PPIP5K2: variants seen among roughly 807,000 people sequenced by gnomAD.
PPIP5K2 encodes the protein inositol hexakisphosphate and diphosphoinositol-pentakisphosphate kinase 2.
Under a neutral mutation model 154.6 loss-of-function variants are expected in PPIP5K2, and 105 were observed. That is an observed-to-expected ratio of 0.68 (90% CI 0.58 to 0.80). PPIP5K2 has a LOEUF of 0.80. Ranked by LOEUF, PPIP5K2 falls within the 30% of genes least tolerant of loss-of-function variation. PPIP5K2 has a pLI of 0.00. For synonymous variants in PPIP5K2, 480 were observed against 490.3 expected (o/e 0.98, Z 0.28); for missense variants, 992 against 1,504.6 (o/e 0.66, Z 5.64).
rs1423192289 is a variant in PPIP5K2 at position 103,209,803 on chromosome 5, A to G, written c.*8169A>G. On this transcript the variant is annotated 3_prime_UTR_variant, in exon 31 of 31. Coordinates refer to ENST00000358359, the MANE Select transcript of PPIP5K2 (RefSeq NM_001276277.3). Reference sequence around the variant, plus strand: ...ATTAGGAGAAAAGAGAAAGCAGAGGAGGGGTGAGACAGAGAACAAAAGAAC... The same window carrying G: ...ATTAGGAGAAAAGAGAAAGCAGAGGGGGGGTGAGACAGAGAACAAAAGAAC... The G allele has an allele frequency of 2.6e-5, 4 of 152,126 alleles. No homozygotes were observed. Among genetic ancestry groups the G allele is most frequent in the Admixed American group, 2.6e-4 (4 of 15,238 alleles). 9.4% of individuals were successfully genotyped at this position (152,126 alleles called of 1,614,324 possible). A position where few individuals can be genotyped will look rare whatever the true frequency, so the allele number is the denominator to read the frequency against.
At chr5:103,127,771 A>C (rs1789939601) in intron 1 of PPIP5K2, among the ~76,000 whole-genome samples, 1 of 151,306 alleles carries the variant, frequency 6.6e-6, no homozygotes, top group Admixed American at 6.6e-5. Flanking sequence ...GATGTACCTG[A>C]CTCCAGAACA....
chr5:103,127,797 C>T (rs562852337), intron 1 of PPIP5K2, among the ~76,000 whole-genome samples: 90 of 152,122 alleles, frequency 5.9e-4, no homozygotes, highest in Non-Finnish European at 1.2e-3. Context: ...CTTCCATTAT[C>T]GAAATATTTG....
chr5:103,172,918 C>G (rs2149701129), intron 19 of PPIP5K2, among the ~76,000 whole-genome samples: 1 of 151,956 alleles, frequency 6.6e-6, no homozygotes, highest in African/African-American at 2.4e-5. Flanking sequence ...CCCATTCATT[C>G]TCCGCCTTCA....
intron 5 of PPIP5K2, among the ~76,000 whole-genome samples, chr5:103,139,304 G>A (rs1416531562): frequency 6.6e-6 from 1 of 152,000 alleles, no homozygotes; most frequent in Non-Finnish European, 1.5e-5. Context: ...AGAACAAGAT[G>A]GCCAAATATA....
At position 103,146,698 on chromosome 5, in the gene PPIP5K2, T is replaced by G; in HGVS notation, c.642+17T>G. The G allele has an allele frequency of 6.3e-7, 1 of 1,586,170 alleles. No individual in the cohort carries two copies. The highest frequency in any genetic ancestry group is 8.6e-7 in the Non-Finnish European group (1 of 1,164,338). On this transcript the variant is annotated intron_variant, in intron 6 of 30. Transcript: ENST00000358359. ...TTTAGAAAGGTAACACCTTTGTAAC[T>G]TTTGTATGAATACTCTTCTTTGTAC...
intron 5 of PPIP5K2, among the ~76,000 whole-genome samples, chr5:103,142,453 T>G (rs2149515808): frequency 6.6e-6 from 1 of 152,172 alleles, no homozygotes; most frequent in African/African-American, 2.4e-5. Context: ...GGGAGTGGGC[T>G]CCAGCCTTGG....
In PPIP5K2 at chr5:103,173,175, T is replaced by C; in HGVS notation, c.2307T>C (p.Ala769=). ...CTCAGGAATATGGTATAACTAAAGC[T>C]GAAAAACTGGAGATTGCCAAAGGCT... ...VIPQEYGITK[A]EKLEIAKGYC... The change falls in exon 20 of 31, where the codon GCT becomes GCC. Residue 769 remains alanine (A), a synonymous_variant. Coordinates refer to ENST00000358359, the MANE Select transcript of PPIP5K2 (RefSeq NM_001276277.3). The C allele has an allele frequency of 6.2e-7, 1 of 1,607,426 alleles. No homozygotes were observed. Among genetic ancestry groups the C allele is most frequent in the Non-Finnish European group, 8.5e-7 (1 of 1,177,042 alleles).
At chr5:103,147,261 A>AT (rs1554209488) in intron 6 of PPIP5K2, among the ~76,000 whole-genome samples, 2 of 151,958 alleles carry the variant, frequency 1.3e-5, no homozygotes, top group African/African-American at 2.4e-5. Context: ...ATTGATGGCA[A>AT]TTCAAATTAA....
chr5:103,185,932 T>G (rs989024606), intron 26 of PPIP5K2, among the ~76,000 whole-genome samples: 1 of 144,076 alleles, frequency 6.9e-6, no homozygotes, highest in Non-Finnish European at 1.5e-5. Flanking sequence ...GAAGGAGTGT[T>G]TTTTTTTTTT....
intron 4 of PPIP5K2, among the ~76,000 whole-genome samples, chr5:103,137,928 T>C (rs1288017898): frequency 6.6e-6 from 1 of 152,186 alleles, no homozygotes; most frequent in Non-Finnish European, 1.5e-5. Context: ...GTATCTATCA[T>C]ATTTTTTTCC....
intron 21 of PPIP5K2, among the ~76,000 whole-genome samples, chr5:103,174,436 AAGTT>A (rs1322659174): frequency 6.6e-6 from 1 of 152,038 alleles, no homozygotes; most frequent in Non-Finnish European, 1.5e-5. Flanking sequence ...ATCAATTATG[AAGTT>A]TCTCTTAGAG....
chr5:103,192,307 C>T (rs542326767), intron 29 of PPIP5K2, among the ~76,000 whole-genome samples: 133 of 152,152 alleles, frequency 8.7e-4, no homozygotes, highest in Non-Finnish European at 1.1e-3. Flanking sequence ...AAGTGGTAAA[C>T]GTCAGAGACA....
intron 30 of PPIP5K2, among the ~76,000 whole-genome samples, chr5:103,197,694 G>A (rs1359739462): frequency 1.3e-5 from 2 of 149,112 alleles, no homozygotes; most frequent in Non-Finnish European, 3.0e-5. Context: ...TCCTGTCTCG[G>A]CCTCCTAAGT....
intron 2 of PPIP5K2, among the ~76,000 whole-genome samples, chr5:103,130,269 T>C (rs1790402841): frequency 6.6e-6 from 1 of 152,182 alleles, no homozygotes; most frequent in Admixed American, 6.5e-5. Flanking sequence ...CCATACTGGA[T>C]CTTAGGAATG....
At position 103,212,597 on chromosome 5, in the gene PPIP5K2, G is replaced by A. The variant is rs566667437; in HGVS notation, c.*10963G>A. Reference sequence around the variant, plus strand: ...TTGGAGTATAAACTGCTGGAAATAAGGATGCTATTTAATAGACTCTCTTAG... The same window carrying A: ...TTGGAGTATAAACTGCTGGAAATAAAGATGCTATTTAATAGACTCTCTTAG... On this transcript the variant is annotated 3_prime_UTR_variant, in exon 31 of 31. Transcript: ENST00000358359. 1 of 152,172 alleles carries A rather than the reference G, an allele frequency of 6.6e-6. No individual in the cohort carries two copies. Among genetic ancestry groups the A allele is most frequent in the African/African-American group, 2.4e-5 (1 of 41,538 alleles). The allele number at this position is 152,172 out of a possible 1,614,324, so 9.4% of individuals were successfully genotyped here. A position where few individuals can be genotyped will look rare whatever the true frequency, so the allele number is the denominator to read the frequency against.
chr5:103,184,906 T>G (rs1161591353), intron 26 of PPIP5K2, among the ~76,000 whole-genome samples, 162 bp downstream of exon 26: 1 of 152,132 alleles, frequency 6.6e-6, no homozygotes, highest in Non-Finnish European at 1.5e-5. Flanking sequence ...AAAATAAAGT[T>G]TTGATAAAAT....
intron 13 of PPIP5K2, among the ~76,000 whole-genome samples, chr5:103,155,389 T>C (rs1394995099): frequency 3.4e-5 from 5 of 148,480 alleles, no homozygotes; most frequent in African/African-American, 9.8e-5. Context: ...TTCTGTACTT[T>C]ATCTCTTCAG....
intron 1 of PPIP5K2, among the ~76,000 whole-genome samples, chr5:103,121,180 A>G (rs1788643833): frequency 1.6e-5 from 1 of 61,924 alleles, no homozygotes; most frequent in African/African-American, 6.7e-5. Context: ...AGCACGTAAA[A>G]TCCTCGCTCT....
At chr5:103,130,204 C>G in intron 2 of PPIP5K2, among the ~76,000 whole-genome samples, 1 of 152,074 alleles carries the variant, frequency 6.6e-6, no homozygotes, top group Non-Finnish European at 1.5e-5. Flanking sequence ...TAAAAAGTAT[C>G]TATGTGTTTG....
Sources: gnomAD v4.1 joint callset for allele counts (sites outside exome capture counted in the v4.1 genomes callset) on GRCh38, gnomAD v4.1.1 for gene constraint, MANE v1.5 for transcripts, NCBI Gene and HGNC (gene_info 2026-07-23, HGNC 2026-07-21) for gene names.